FBXL4: variants seen among roughly 807,000 people sequenced by gnomAD.
FBXL4 encodes the protein F-box/LRR-repeat protein 4.
FBXL4 carries 40 observed loss-of-function variants against 58.9 expected under a neutral mutation model. The ratio of observed to expected loss-of-function variants is 0.68; its 90% CI spans 0.53 to 0.88. The LOEUF (loss-of-function observed/expected upper bound fraction) is 0.88, where lower values mean the gene tolerates loss of function less well. Ranked by LOEUF, FBXL4 falls within the 40% of genes least tolerant of loss-of-function variation. FBXL4 has a pLI of 0.00. For synonymous variants in FBXL4, 263 were observed against 265.5 expected (o/e 0.99, Z 0.09); for missense variants, 676 against 734.4 (o/e 0.92, Z 0.92).
At chr6:98,925,500 A>G (rs1772745022) in intron 4 of FBXL4, among the ~76,000 whole-genome samples, 2 of 152,356 alleles carry the variant, frequency 1.3e-5, no homozygotes, top group Non-Finnish European at 1.5e-5. Flanking sequence ...ATATACTTGC[A>G]CACATGCAAA....
intron 5 of FBXL4, among the ~76,000 whole-genome samples, chr6:98,912,832 A>C (rs1343237944): frequency 6.6e-6 from 1 of 152,090 alleles, no homozygotes; most frequent in Non-Finnish European, 1.5e-5. Flanking sequence ...AACAATATTA[A>C]CTTTAAATAT....
At chr6:98,942,508 T>C (rs1773469584) in intron 1 of FBXL4, among the ~76,000 whole-genome samples, 1 of 152,052 alleles carries the variant, frequency 6.6e-6, no homozygotes, top group Non-Finnish European at 1.5e-5. Context: ...TGAAGAGATC[T>C]TTTTGTTTCA....
chr6:98,879,729 G>A (rs147996352), intron 8 of FBXL4, among the ~76,000 whole-genome samples: 1 of 151,600 alleles, frequency 6.6e-6, no homozygotes, highest in East Asian at 1.9e-4. Context: ...TGCCCAATAT[G>A]GTGAAACCCA....
In FBXL4 at chr6:98,869,401, G is replaced by A. The variant is rs1770436364; in HGVS notation, c.*4877C>T. 6.6e-6 allele frequency: 1 copy of A among 152,250 alleles called. No homozygotes were observed. The highest frequency in any genetic ancestry group is 1.5e-5 in the Non-Finnish European group (1 of 68,078). 9.4% of individuals were successfully genotyped at this position (152,250 alleles called of 1,614,324 possible). A position where few individuals can be genotyped will look rare whatever the true frequency, so the allele number is the denominator to read the frequency against. On this transcript the variant is annotated 3_prime_UTR_variant, in exon 10 of 10. Coordinates refer to ENST00000369244, the MANE Select transcript of FBXL4 (RefSeq NM_001278716.2). ...TAATCCCAGCACTACAGGAGGCCAA[G>A]GTGGGAAAATTATTTGAGCCCAGGA...
chr6:98,917,354 G>C lies in FBXL4; in HGVS notation c.858+20C>G. On this transcript the variant is annotated intron_variant, in intron 5 of 9. Coordinates refer to ENST00000369244, the MANE Select transcript of FBXL4 (RefSeq NM_001278716.2). Reference sequence around the variant, plus strand: ...CTATAGTGTTATATCCAATACTGCTGCTAAATATTTTTGGCTTACCTCATA... The same window carrying C: ...CTATAGTGTTATATCCAATACTGCTCCTAAATATTTTTGGCTTACCTCATA... 1 of 1,532,298 alleles carries C rather than the reference G, an allele frequency of 6.5e-7. No individual in the cohort carries two copies. The highest frequency in any genetic ancestry group is 8.9e-7 in the Non-Finnish European group (1 of 1,125,210). The allele number at this position is 1,532,298 out of a possible 1,614,324, so 94.9% of individuals were successfully genotyped here.
At chr6:98,940,399 T>G (rs2128412556) in intron 1 of FBXL4, among the ~76,000 whole-genome samples, 1 of 152,346 alleles carries the variant, frequency 6.6e-6, no homozygotes, top group Non-Finnish European at 1.5e-5. Flanking sequence ...ATTTCCAAAG[T>G]GGCTGTAGCA....
At chr6:98,945,008 C>T (rs1204596658) in intron 1 of FBXL4, among the ~76,000 whole-genome samples, 1 of 152,126 alleles carries the variant, frequency 6.6e-6, no homozygotes, top group Non-Finnish European at 1.5e-5. Flanking sequence ...ATCTCAGATC[C>T]TTGACAATTC....
intron 2 of FBXL4, among the ~76,000 whole-genome samples, chr6:98,932,039 C>T (rs1358133030): frequency 6.6e-6 from 1 of 152,060 alleles, no homozygotes; most frequent in Admixed American, 6.5e-5. Context: ...ATTATTTTTC[C>T]CACCTGGTGC....
intron 7 of FBXL4, among the ~76,000 whole-genome samples, chr6:98,894,435 A>G (rs1771341607): frequency 6.6e-6 from 1 of 152,208 alleles, no homozygotes; most frequent in Admixed American, 6.5e-5. Context: ...CAACTCTAAA[A>G]GATCCACCAA....
chr6:98,887,753 T>C (rs1426491557), intron 7 of FBXL4, among the ~76,000 whole-genome samples: 1 of 152,114 alleles, frequency 6.6e-6, no homozygotes, highest in Non-Finnish European at 1.5e-5. Flanking sequence ...GAAGTGATGG[T>C]AATGGAAAGA....
intron 4 of FBXL4, among the ~76,000 whole-genome samples, chr6:98,923,828 A>T (rs544228357): frequency 3.9e-5 from 6 of 152,064 alleles, no homozygotes; most frequent in South Asian, 2.1e-4. Context: ...AGAATTACAG[A>T]TTTTTTTCAT....
intron 4 of FBXL4, among the ~76,000 whole-genome samples, chr6:98,922,753 G>A (rs1772630674): frequency 6.6e-6 from 1 of 152,094 alleles, no homozygotes; most frequent in Non-Finnish European, 1.5e-5. Flanking sequence ...GCTCTTCACT[G>A]GTTAATTTTT....
chr6:98,884,966 C>T (rs556052471), intron 7 of FBXL4, among the ~76,000 whole-genome samples: 26 of 152,266 alleles, frequency 1.7e-4, no homozygotes, highest in African/African-American at 5.5e-4. Context: ...GTGGGCTTAA[C>T]TTAGCGACTC....
In FBXL4 at chr6:98,871,275, T is replaced by A. The variant is rs182996059; in HGVS notation, c.*3003A>T. On this transcript the variant is annotated 3_prime_UTR_variant, in exon 10 of 10. Transcript: ENST00000369244. ...TGGCAAGAATGGTTGCTTAAAGAAT[T>A]GAGAACACTGGGAACAACATCAACA... The A allele has an allele frequency of 6.6e-6, 1 of 152,284 alleles. No homozygotes were observed. Among genetic ancestry groups the A allele is most frequent in the Non-Finnish European group, 1.5e-5 (1 of 68,020 alleles). 9.4% of individuals were successfully genotyped at this position (152,284 alleles called of 1,614,324 possible).
chr6:98,911,844 G>A (rs914891702), intron 5 of FBXL4, among the ~76,000 whole-genome samples: 1 of 152,234 alleles, frequency 6.6e-6, no homozygotes, highest in Non-Finnish European at 1.5e-5. Context: ...TTGACGACTT[G>A]AGAGAAGAAG....
At chr6:98,897,349 A>C in intron 7 of FBXL4, 1 of 985,112 alleles carries the variant, frequency 1.0e-6, no homozygotes, top group Non-Finnish European at 1.2e-6. Context: ...ACCAATGAAA[A>C]CACAGGCTAA....
intron 5 of FBXL4, among the ~76,000 whole-genome samples, chr6:98,911,812 C>A (rs934873514): frequency 6.6e-6 from 1 of 152,212 alleles, no homozygotes; most frequent in African/African-American, 2.4e-5. Context: ...GGCAATGGAA[C>A]AAAGCTGGAC....
At chr6:98,919,501 A>G (rs1030564948) in intron 4 of FBXL4, among the ~76,000 whole-genome samples, 3 of 152,110 alleles carry the variant, frequency 2.0e-5, no homozygotes, top group African/African-American at 7.2e-5. Flanking sequence ...GTTCCAAAGA[A>G]TAGAGCAGGC....
chr6:98,910,810 G>C (rs909360053), intron 5 of FBXL4, among the ~76,000 whole-genome samples: 1 of 152,224 alleles, frequency 6.6e-6, no homozygotes, highest in Non-Finnish European at 1.5e-5. Context: ...TCACCAGGGA[G>C]TGCCAGATAG....
Sources: gnomAD v4.1 joint callset for allele counts (sites outside exome capture counted in the v4.1 genomes callset) on GRCh38, gnomAD v4.1.1 for gene constraint, MANE v1.5 for transcripts, NCBI Gene and HGNC (gene_info 2026-07-23, HGNC 2026-07-21) for gene names.